The following RORA variants were observed in gnomAD, a reference collection of about 807,000 sequenced individuals.
The protein encoded by RORA is RAR related orphan receptor A.
In RORA, 7 loss-of-function variants were observed where a neutral mutation model predicts 69.5. That is an observed-to-expected ratio of 0.10 (90% CI 0.06 to 0.19). RORA has a LOEUF of 0.19. Among genes scored for constraint, RORA ranks in the 10% least tolerant of loss-of-function variants. RORA has a pLI of 1.00. For synonymous variants in RORA, 261 were observed against 240.8 expected (o/e 1.08, Z -0.78); for missense variants, 457 against 663.0 (o/e 0.69, Z 3.41).
chr15:60,758,807 A>G (rs941478938), intron 1 of RORA, among the ~76,000 whole-genome samples: 2 of 152,212 alleles, frequency 1.3e-5, no homozygotes, highest in Admixed American at 6.5e-5. Context: ...CTAACTCTAT[A>G]AAGTTCCAGC....
At chr15:61,123,888 G>A (rs1172780593) in intron 1 of RORA, among the ~76,000 whole-genome samples, 1 of 152,210 alleles carries the variant, frequency 6.6e-6, no homozygotes, top group Non-Finnish European at 1.5e-5. Flanking sequence ...AACCATTCCA[G>A]GTACTTGACA....
At chr15:60,713,339 TA>T (rs2071170954) in intron 1 of RORA, among the ~76,000 whole-genome samples, 1 of 152,000 alleles carries the variant, frequency 6.6e-6, no homozygotes, top group South Asian at 2.1e-4. Context: ...CTTTACCCAC[TA>T]AGAAAACCAA....
intron 1 of RORA, among the ~76,000 whole-genome samples, chr15:61,133,296 C>T (rs549993381): frequency 3.8e-4 from 58 of 152,180 alleles, no homozygotes; most frequent in Middle Eastern, 3.2e-3. Context: ...TTTGCATCTT[C>T]CTGAGCCTTG....
intron 3 of RORA, among the ~76,000 whole-genome samples, chr15:60,517,986 C>A (rs2066022462): frequency 6.6e-6 from 1 of 152,174 alleles, no homozygotes; most frequent in Non-Finnish European, 1.5e-5. Flanking sequence ...TTCCACCTTG[C>A]ATATTTCTTC....
Position 60,998,389 on chromosome 15 carries a change from T to C in RORA, c.166+230664A>G, listed in dbSNP as rs1216597952. ...TCACCATGTTGCCCAGGCTTCACCA[T>C]GTATATTTCTTTCTTTTTTTTTTTT... On this transcript the variant is annotated intron_variant, in intron 1 of 10. Coordinates refer to ENST00000335670, the MANE Select transcript of RORA (RefSeq NM_134261.3). 2.3e-5 allele frequency among the ~76,000 whole-genome samples: 3 copies of C among 131,504 alleles called. No homozygotes were observed. The Admixed American group carries it at 2.5e-4, about 11-fold the overall frequency. The allele number at this position is 131,504 out of a possible 152,430, so 86.3% of individuals were successfully genotyped here.
At chr15:60,546,671 T>A (rs1305812593) in intron 2 of RORA, among the ~76,000 whole-genome samples, 1 of 152,218 alleles carries the variant, frequency 6.6e-6, no homozygotes, top group East Asian at 1.9e-4. Flanking sequence ...AACTAAAATT[T>A]ACATCCAATT....
intron 1 of RORA, among the ~76,000 whole-genome samples, chr15:60,800,995 C>A (rs925545963): frequency 6.6e-6 from 1 of 152,182 alleles, no homozygotes; most frequent in Non-Finnish European, 1.5e-5. Context: ...TTGCTGCATG[C>A]CTATTAAAGT....
Position 60,732,073 on chromosome 15 carries a change from G to T in RORA, c.167-53387C>A, listed in dbSNP as rs576231677. Among the ~76,000 whole-genome samples, 3 of 152,304 alleles carry T rather than the reference G, an allele frequency of 2.0e-5. No individual in the cohort carries two copies. The South Asian group carries it at 6.2e-4, about 32-fold the overall frequency. Reference sequence around the variant, plus strand: ...AATCAACTGTGCTATGGAATAGGATGCATCTCTAGCAGATGCTGGGTACAC... The same window carrying T: ...AATCAACTGTGCTATGGAATAGGATTCATCTCTAGCAGATGCTGGGTACAC... On this transcript the variant is annotated intron_variant, in intron 1 of 10. Transcript: ENST00000335670.
At chr15:60,529,155 T>C (rs1182671330) in intron 3 of RORA, 2 of 152,222 alleles carry the variant, frequency 1.3e-5, no homozygotes, top group African/African-American at 4.8e-5. Flanking sequence ...TAAAATACGT[T>C]CACAAAATGA....
intron 5 of RORA, among the ~76,000 whole-genome samples, chr15:60,507,269 T>C (rs1165259076): frequency 6.6e-6 from 1 of 152,212 alleles, no homozygotes; most frequent in East Asian, 1.9e-4. Flanking sequence ...AGGCAAGTCA[T>C]TTTAAAAGAA....
chr15:60,895,758 T>A (rs1471401971), intron 1 of RORA, among the ~76,000 whole-genome samples: 1 of 152,260 alleles, frequency 6.6e-6, no homozygotes, highest in African/African-American at 2.4e-5. Context: ...AAGTACAGCC[T>A]CAGCAATTTC....
intron 1 of RORA, among the ~76,000 whole-genome samples, chr15:61,220,751 G>A (rs903475772): frequency 6.6e-5 from 10 of 152,076 alleles, no homozygotes; most frequent in Admixed American, 1.3e-4. Flanking sequence ...TGGCATTCTC[G>A]ACAAGTTCGT....
intron 1 of RORA, among the ~76,000 whole-genome samples, chr15:60,935,147 G>A (rs931279486): frequency 6.6e-6 from 1 of 152,208 alleles, no homozygotes; most frequent in African/African-American, 2.4e-5. Context: ...TACTACAGAG[G>A]ACTATTTCCA....
At chr15:60,826,740 G>GCTCT (rs72326847) in intron 1 of RORA, among the ~76,000 whole-genome samples, 4,734 of 120,692 alleles carry the variant, frequency 0.039, 329 homozygotes, top group African/African-American at 0.13. Context: ...TATTCTACCT[G>GCTCT]CTCTCTCTCT....
At chr15:60,948,974 G>C (rs1892994168) in intron 1 of RORA, among the ~76,000 whole-genome samples, 1 of 152,312 alleles carries the variant, frequency 6.6e-6, no homozygotes, top group South Asian at 2.1e-4. Context: ...CAGGCAAACA[G>C]GAAACAGGCA....
At chr15:60,503,802 T>C (rs1324502310) in intron 6 of RORA, 135 bp from the exon 7 acceptor site, 7 of 950,126 alleles carry the variant, frequency 7.4e-6, no homozygotes, top group Middle Eastern at 2.5e-4. Flanking sequence ...GGGATCTTAT[T>C]TTATTTTATT....
chr15:61,136,788 T>C (rs1186303583), intron 1 of RORA, among the ~76,000 whole-genome samples: 2 of 152,144 alleles, frequency 1.3e-5, no homozygotes. Context: ...GAAACTTTGT[T>C]CACAGTGCCT....
chr15:60,552,239 C>T (rs1381358748), intron 2 of RORA, among the ~76,000 whole-genome samples: 1 of 152,322 alleles, frequency 6.6e-6, no homozygotes, highest in Non-Finnish European at 1.5e-5. Context: ...CAGTCTCCGT[C>T]TGAGCCACAA....
chr15:61,217,513 G>T (rs1168570891), intron 1 of RORA, among the ~76,000 whole-genome samples: 1 of 152,088 alleles, frequency 6.6e-6, no homozygotes, highest in Non-Finnish European at 1.5e-5. Context: ...GAGATGAAAA[G>T]GCCAAGTTCA....
Sources: gnomAD v4.1 joint callset for allele counts (sites outside exome capture counted in the v4.1 genomes callset) on GRCh38, gnomAD v4.1.1 for gene constraint, MANE v1.5 for transcripts, NCBI Gene and HGNC (gene_info 2026-07-23, HGNC 2026-07-21) for gene names.